SCFD2: variants seen among roughly 807,000 people sequenced by gnomAD.
The protein encoded by SCFD2 is sec1 family domain-containing protein 2.
A neutral mutation model predicts 58.9 loss-of-function variants in SCFD2; 54 were observed. The ratio of observed to expected loss-of-function variants is 0.92; its 90% CI spans 0.74 to 1.15. The LOEUF (loss-of-function observed/expected upper bound fraction) is 1.15, where lower values mean the gene tolerates loss of function less well. Among genes scored for constraint, SCFD2 ranks in the 50% most tolerant of loss-of-function variants. The pLI, the probability that SCFD2 is intolerant of heterozygous loss-of-function variation, is 0.00. For synonymous variants in SCFD2, 321 were observed against 335.9 expected (o/e 0.96, Z 0.49); for missense variants, 805 against 836.6 (o/e 0.96, Z 0.47).
chr4:53,242,143 C>T (rs1178029915), intron 4 of SCFD2, among the ~76,000 whole-genome samples: 3 of 152,292 alleles, frequency 2.0e-5, no homozygotes, highest in African/African-American at 7.2e-5. Context: ...TGCTGCACTG[C>T]TGCAGCTAGT....
chr4:53,365,625 G>A lies in SCFD2; in HGVS notation c.317C>T (p.Thr106Ile), dbSNP rs1734677458. 1 of 1,614,244 alleles carries A rather than the reference G, an allele frequency of 6.2e-7. No homozygotes were observed. The highest frequency in any genetic ancestry group is 8.5e-7 in the Non-Finnish European group (1 of 1,180,046). Reference protein sequence around the residue: ...SHFQYCVVVTTVSHAVHLTAN... With the variant: ...SHFQYCVVVTIVSHAVHLTAN... ...TGTGAGGTGGACAGCGTGGCTCACG[G>A]TTGTGACCACCACACAATACTGGAA... is the stretch of plus-strand genomic sequence containing the variant. Residue 106 changes from threonine to isoleucine, a missense_variant, in exon 1 of 9, where the codon ACC (threonine) becomes ATC (isoleucine). Thr to Ile is a moderately conservative substitution (Grantham distance 89). This residue lies in a region of SCFD2 where 155 missense variants were observed against 149.7 expected (regional missense o/e 1.04). Transcript: ENST00000401642. The surrounding 1 kb of genome is among the most constrained non-coding windows in gnomAD (Gnocchi z 4.3).
intron 4 of SCFD2, among the ~76,000 whole-genome samples, chr4:53,267,005 G>A (rs909630784): frequency 2.6e-5 from 4 of 152,176 alleles, no homozygotes; most frequent in African/African-American, 9.7e-5. Flanking sequence ...TAGTCCTCAG[G>A]TCTCTTGCTG....
chr4:53,297,456 AC>A (rs1288037000), intron 3 of SCFD2, among the ~76,000 whole-genome samples: 1 of 147,552 alleles, frequency 6.8e-6, no homozygotes, highest in Admixed American at 6.7e-5. Flanking sequence ...TAGAATTGCA[AC>A]CCTTGGTTTT....
chr4:53,005,738 G>C (rs1203761344), intron 5 of SCFD2, among the ~76,000 whole-genome samples: 1 of 152,138 alleles, frequency 6.6e-6, no homozygotes, highest in Admixed American at 6.5e-5. Flanking sequence ...TTAAAAAAAG[G>C]ATTATATGCT....
Position 52,932,776 on chromosome 4 carries a change from C to T in SCFD2, c.1562-11906G>A, listed in dbSNP as rs1034566046. ...CAACACACACACAAATCACTCTCTG[C>T]CCCAATCTAAGGTTCCACTGCACCT... On this transcript the variant is annotated intron_variant, in intron 5 of 8. Transcript: ENST00000401642. Among the ~76,000 whole-genome samples, 10 of 152,222 alleles carry T rather than the reference C, an allele frequency of 6.6e-5. 1 individual carries two copies. Among genetic ancestry groups the T allele is most frequent in the South Asian group, 6.2e-4 (3 of 4,806 alleles).
intron 4 of SCFD2, among the ~76,000 whole-genome samples, chr4:53,266,178 T>C (rs565919795): frequency 6.6e-6 from 1 of 152,226 alleles, no homozygotes; most frequent in Non-Finnish European, 1.5e-5. Flanking sequence ...AAAAAGATAG[T>C]AACATTTTTC....
chr4:52,879,533 T>C (rs1011512895), intron 8 of SCFD2, among the ~76,000 whole-genome samples: 14 of 152,156 alleles, frequency 9.2e-5, no homozygotes, highest in Non-Finnish European at 1.6e-4. Flanking sequence ...CAAAAAAATA[T>C]ATCGACTGAC....
chr4:53,120,923 G>A (rs997787807), intron 5 of SCFD2, among the ~76,000 whole-genome samples: 10 of 152,148 alleles, frequency 6.6e-5, no homozygotes, highest in Admixed American at 2.0e-4. Flanking sequence ...GCCCTGTAAG[G>A]TCTCTTCTTC....
chr4:52,960,951 T>C (rs1012871537), intron 5 of SCFD2, among the ~76,000 whole-genome samples: 1 of 152,108 alleles, frequency 6.6e-6, no homozygotes, highest in Non-Finnish European at 1.5e-5. Context: ...TTCATGGTCA[T>C]TGTGAGTAGT....
At chr4:53,098,890 T>G (rs1297575938) in intron 5 of SCFD2, among the ~76,000 whole-genome samples, 2 of 152,180 alleles carry the variant, frequency 1.3e-5, no homozygotes, top group Non-Finnish European at 2.9e-5. Context: ...ACTGTAATAT[T>G]ATTTGTTTCC....
chr4:53,033,062 TTGAAAG>T (rs906459355), intron 5 of SCFD2, among the ~76,000 whole-genome samples: 1 of 152,142 alleles, frequency 6.6e-6, no homozygotes, highest in Admixed American at 6.5e-5. Context: ...GACCACATAA[TTGAAAG>T]TGAAACACTC....
chr4:53,287,113 C>T (rs1252073034), intron 3 of SCFD2, among the ~76,000 whole-genome samples: 1 of 152,182 alleles, frequency 6.6e-6, no homozygotes, highest in Non-Finnish European at 1.5e-5. Flanking sequence ...CGGGTCTAAG[C>T]TACTAGGGAG....
intron 4 of SCFD2, among the ~76,000 whole-genome samples, chr4:53,264,560 T>C (rs995246051): frequency 1.3e-5 from 2 of 152,050 alleles, no homozygotes; most frequent in African/African-American, 4.8e-5. Context: ...TCAATCCTAA[T>C]TATAAATGGC....
intron 5 of SCFD2, among the ~76,000 whole-genome samples, chr4:53,015,674 C>T (rs1722195827): frequency 6.6e-6 from 1 of 152,174 alleles, no homozygotes; most frequent in South Asian, 2.1e-4. Context: ...TTCCTGGAAG[C>T]TTTGACCATA....
chr4:53,140,160 C>A (rs1389168459), intron 5 of SCFD2, among the ~76,000 whole-genome samples: 6 of 150,898 alleles, frequency 4.0e-5, no homozygotes, highest in African/African-American at 7.3e-5. Flanking sequence ...TCCTATGACC[C>A]TGCCAAATCC....
chr4:53,338,281 C>A (rs1287281509), intron 2 of SCFD2, among the ~76,000 whole-genome samples: 1 of 152,098 alleles, frequency 6.6e-6, no homozygotes, highest in African/African-American at 2.4e-5. Flanking sequence ...CAGAAGAAGA[C>A]AAGAAAGAGA....
At chr4:52,887,250 C>T (rs17082147) in intron 7 of SCFD2, among the ~76,000 whole-genome samples, 9,627 of 152,218 alleles carry the variant, frequency 0.063, 498 homozygotes, top group East Asian at 0.25. Flanking sequence ...GACTTACAGC[C>T]CTTAACTTCT....
At chr4:52,888,855 CT>C (rs1280805762) in intron 7 of SCFD2, among the ~76,000 whole-genome samples, 1 of 152,198 alleles carries the variant, frequency 6.6e-6, no homozygotes, top group African/African-American at 2.4e-5. Context: ...AAACCTATGT[CT>C]TTTGCTCAGT....
At chr4:53,111,810 A>G (rs1044696058) in intron 5 of SCFD2, among the ~76,000 whole-genome samples, 3 of 152,190 alleles carry the variant, frequency 2.0e-5, no homozygotes, top group African/African-American at 7.2e-5. Flanking sequence ...TCAATGCTAT[A>G]CAAAAATTAA....
Sources: gnomAD v4.1 joint callset for allele counts (sites outside exome capture counted in the v4.1 genomes callset) on GRCh38, gnomAD v4.1.1 for gene constraint, gnomAD v4.1.1 regional missense constraint, Gnocchi (gnomAD v3.1) non-coding constraint, MANE v1.5 for transcripts, NCBI Gene and HGNC (gene_info 2026-07-23, HGNC 2026-07-21) for gene names.